MUC7: variants seen among roughly 807,000 people sequenced by gnomAD.
MUC7 encodes the protein mucin 7, secreted.
A neutral mutation model predicts 2.5 loss-of-function variants in MUC7; 2 were observed. That is an observed-to-expected ratio of 0.81 (90% CI 0.33 to 2.55). The LOEUF is 2.55. Ranked by LOEUF, MUC7 falls within the 30% of genes most tolerant of loss-of-function variation. The pLI, the probability that MUC7 is intolerant of heterozygous loss-of-function variation, is 0.11. For missense variants in MUC7, 408 were observed against 455.6 expected (o/e 0.90, Z 0.95); for synonymous variants, 133 against 173.4 (o/e 0.77, Z 1.83).
At position 70,481,199 on chromosome 4, in the gene MUC7, C is replaced by G; in HGVS notation, c.455C>G (p.Ala152Gly). The change falls in exon 3 of 3, where the codon GCT becomes GGT. Residue 152 changes from alanine (A) to glycine (G), a missense_variant. By Grantham distance (60) the Ala-to-Gly change is moderately conservative. Transcript: ENST00000304887. Reference protein sequence around the residue: ...RENVNTSSSVATLAPVNSPAP... With the variant: ...RENVNTSSSVGTLAPVNSPAP... ...AATGTTAACACAAGCTCTTCTGTAG[C>G]TACATTAGCACCAGTGAATTCCCCA... is the stretch of plus-strand genomic sequence containing the variant. 1 of 1,614,196 alleles carries G rather than the reference C, an allele frequency of 6.2e-7. No individual in the cohort carries two copies. Among genetic ancestry groups the G allele is most frequent in the Non-Finnish European group, 8.5e-7 (1 of 1,180,024 alleles).
intron 1 of MUC7, among the ~76,000 whole-genome samples, chr4:70,441,944 C>G (rs1323715542): frequency 1.3e-5 from 2 of 152,078 alleles, no homozygotes; most frequent in Non-Finnish European, 2.9e-5. Flanking sequence ...AAAGGAAGCC[C>G]ATTAAGGTGA....
chr4:70,434,688 G>C (rs1284005030), intron 1 of MUC7, among the ~76,000 whole-genome samples: 1 of 152,018 alleles, frequency 6.6e-6, no homozygotes. Flanking sequence ...ATTTTTTGAA[G>C]GGCTTTTTGT....
At chr4:70,457,082 G>A (rs1019262142) in intron 1 of MUC7, among the ~76,000 whole-genome samples, 1 of 152,186 alleles carries the variant, frequency 6.6e-6, no homozygotes, top group African/African-American at 2.4e-5. Context: ...TGGTAATTAA[G>A]GGAATGGGGA....
At chr4:70,441,168 A>G (rs550127642) in intron 1 of MUC7, among the ~76,000 whole-genome samples, 1 of 152,204 alleles carries the variant, frequency 6.6e-6, no homozygotes, top group East Asian at 1.9e-4. Flanking sequence ...TTATATCCCT[A>G]CCTCCATATA....
rs374891039 is a variant in MUC7 at position 70,452,858 on chromosome 4, T to C, written c.-92-19357T>C. ...TCAGATCAAAGAATTCCCTTTAGCA[T>C]TTCTTGTAAGACAGGTCTGGTGTTG... On this transcript the variant is annotated intron_variant, in intron 1 of 3. Coordinates refer to the MUC7 transcript ENST00000413702. Among the ~76,000 whole-genome samples the C allele has an allele frequency of 5.9e-5, 9 of 152,352 alleles. 1 individual carries two copies. The highest frequency in any genetic ancestry group is 2.2e-4 in the African/African-American group (9 of 41,584).
At chr4:70,455,256 G>A (rs943670609) in intron 1 of MUC7, among the ~76,000 whole-genome samples, 2 of 152,082 alleles carry the variant, frequency 1.3e-5, no homozygotes, top group Admixed American at 6.6e-5. Flanking sequence ...GTATTACACC[G>A]GCCCCTGGGT....
At chr4:70,472,532 A>T (rs986229) in intron 1 of MUC7, among the ~76,000 whole-genome samples, 53,316 of 152,092 alleles carry the variant, frequency 0.35, 10,026 homozygotes, top group Admixed American at 0.43. Context: ...CTGAAGAATA[A>T]TAAGTAACCA....
At chr4:70,459,714 AT>A (rs1394124095) in intron 1 of MUC7, among the ~76,000 whole-genome samples, 2 of 152,194 alleles carry the variant, frequency 1.3e-5, no homozygotes, top group African/African-American at 4.8e-5. Flanking sequence ...CAAAGTAGGA[AT>A]TGTTTGTTTA....
At chr4:70,469,621 A>C (rs568876543), upstream of MUC7, among the ~76,000 whole-genome samples, 1 of 152,390 alleles carries the variant, frequency 6.6e-6, no homozygotes, top group South Asian at 2.1e-4. Context: ...ATTTCTCAAA[A>C]GAAGACATTT....
At chr4:70,467,142 C>T (rs1560554583) in intron 1 of MUC7, among the ~76,000 whole-genome samples, 1 of 152,150 alleles carries the variant, frequency 6.6e-6, no homozygotes, top group African/African-American at 2.4e-5. Context: ...AACTGAACAA[C>T]CTGCTCCTGA....
intron 1 of MUC7, among the ~76,000 whole-genome samples, chr4:70,437,384 T>C (rs1733872629): frequency 6.6e-6 from 1 of 152,168 alleles, no homozygotes; most frequent in Admixed American, 6.5e-5. Context: ...TGCCTCTTTG[T>C]TTACATTGTG....
chr4:70,474,380 T>C (rs1397117596), intron 2 of MUC7, among the ~76,000 whole-genome samples: 1 of 151,726 alleles, frequency 6.6e-6, no homozygotes, highest in African/African-American at 2.4e-5. Context: ...ATTAGCCAGG[T>C]GTGGTGGTGC....
In MUC7 at chr4:70,482,057, G is replaced by C; in HGVS notation, c.*179G>C. 1 of 773,350 alleles carries C rather than the reference G, an allele frequency of 1.3e-6. No homozygotes were observed. The highest frequency in any genetic ancestry group is 2.0e-6 in the Non-Finnish European group (1 of 501,818). 47.9% of individuals were successfully genotyped at this position (773,350 alleles called of 1,614,324 possible). A position where few individuals can be genotyped will look rare whatever the true frequency, so the allele number is the denominator to read the frequency against. On this transcript the variant is annotated 3_prime_UTR_variant, in exon 3 of 3. Transcript: ENST00000304887. ...ACAAGACCTATTAACAAGACAAAAT[G>C]CCTCTATCCCACAAGCCAGATGCAG... is the stretch of plus-strand genomic sequence containing the variant.
chr4:70,443,399 G>A (rs1392616461), intron 1 of MUC7, among the ~76,000 whole-genome samples: 1 of 150,306 alleles, frequency 6.7e-6, no homozygotes, highest in Non-Finnish European at 1.5e-5. Context: ...CCAAATCACA[G>A]TAACTCAACC....
Position 70,457,212 on chromosome 4 carries a change from G to C in MUC7, c.-92-15003G>C, listed in dbSNP as rs11941158. On this transcript the variant is annotated intron_variant, in intron 1 of 3. Transcript: ENST00000413702. ...CATCCCAATGCTTTGGGAAGCCAAG[G>C]GGGGAGGACTGCTTGAGGCAAGAAG... Among the ~76,000 whole-genome samples the C allele has an allele frequency of 5.9e-5, 9 of 152,216 alleles. No homozygotes were observed. The East Asian group carries it at 1.2e-3, about 20-fold the overall frequency.
chr4:70,442,979 G>A (rs557112544), intron 1 of MUC7, among the ~76,000 whole-genome samples: 1 of 151,974 alleles, frequency 6.6e-6, no homozygotes, highest in Non-Finnish European at 1.5e-5. Context: ...CAGGAGATCC[G>A]AGATGAATCC....
intron 1 of MUC7, among the ~76,000 whole-genome samples, chr4:70,431,304 T>C (rs1340438385): frequency 3.9e-5 from 6 of 152,154 alleles, no homozygotes; most frequent in Admixed American, 3.3e-4. Flanking sequence ...ATTTGCCTTA[T>C]AGAGTCAATT....
intron 1 of MUC7, among the ~76,000 whole-genome samples, chr4:70,449,834 G>C (rs1734237146): frequency 6.6e-6 from 1 of 152,188 alleles, no homozygotes; most frequent in African/African-American, 2.4e-5. Flanking sequence ...GCCACCTAAA[G>C]CTGGGGATGG....
chr4:70,430,903 G>C (rs1184441425), intron 1 of MUC7, among the ~76,000 whole-genome samples: 1 of 152,016 alleles, frequency 6.6e-6, no homozygotes, highest in East Asian at 1.9e-4. Context: ...AGATTTCATA[G>C]GACTAATACT....
Sources: gnomAD v4.1 joint callset for allele counts (sites outside exome capture counted in the v4.1 genomes callset) on GRCh38, gnomAD v4.1.1 for gene constraint, MANE v1.5 for transcripts, NCBI Gene and HGNC (gene_info 2026-07-23, HGNC 2026-07-21) for gene names.